The following TMEM177 variants were observed in gnomAD, a reference collection of about 807,000 sequenced individuals.
TMEM177 encodes transmembrane protein 177.
In TMEM177, 4 loss-of-function variants were observed where a neutral mutation model predicts 14.2. The observed-to-expected ratio is 0.28, with a 90% CI of 0.14 to 0.64. The LOEUF (loss-of-function observed/expected upper bound fraction) is 0.64. Among genes scored for constraint, TMEM177 ranks in the 30% least tolerant of loss-of-function variants. The pLI is 0.82. For synonymous variants in TMEM177, 179 were observed against 174.5 expected, an observed-to-expected ratio of 1.03 and a Z score of -0.20; for missense variants, 344 against 405.2, an observed-to-expected ratio of 0.85 and a Z score of 1.30.
the TMEM177 span, among the ~76,000 whole-genome samples, chr2:119,721,186 G>A: frequency 3.3e-5 from 5 of 152,200 alleles, no homozygotes; most frequent in Non-Finnish European, 7.3e-5. Flanking sequence ...AGAGGGTTGG[G>A]GTTTTGAACC....
At chr2:119,704,113 G>A in the TMEM177 span, among the ~76,000 whole-genome samples, 19 of 152,196 alleles carry the variant, frequency 1.2e-4, no homozygotes, top group Non-Finnish European at 2.6e-4. Context: ...GAATGCAGCC[G>A]AAAGGAGTGT....
the TMEM177 span, among the ~76,000 whole-genome samples, chr2:119,701,955 T>G: frequency 1.5e-4 from 23 of 152,354 alleles, no homozygotes; most frequent in Admixed American, 1.0e-3. Flanking sequence ...ATCCATCCAG[T>G]GCAGGGTCTG....
downstream of TMEM177, among the ~76,000 whole-genome samples, chr2:119,689,696 T>C (rs1264370100): frequency 6.6e-6 from 1 of 152,128 alleles, no homozygotes; most frequent in Non-Finnish European, 1.5e-5. Context: ...CCACTCCACC[T>C]TCACTTAGGC....
At chr2:119,721,260 G>C in the TMEM177 span, among the ~76,000 whole-genome samples, 1 of 152,218 alleles carries the variant, frequency 6.6e-6, no homozygotes, top group Admixed American at 6.5e-5. Context: ...CCAATGTTCA[G>C]TCATGCCAAT....
At chr2:119,718,804 G>C in the TMEM177 span, among the ~76,000 whole-genome samples, 1 of 152,180 alleles carries the variant, frequency 6.6e-6, no homozygotes, top group Non-Finnish European at 1.5e-5. Context: ...ACAGGCTTTC[G>C]AGTCAGCACT....
the TMEM177 span, among the ~76,000 whole-genome samples, chr2:119,720,112 A>C: frequency 1.1e-4 from 16 of 151,754 alleles, no homozygotes; most frequent in East Asian, 3.1e-3. Flanking sequence ...TAACAGTTTT[A>C]AAAATAAAAT....
the TMEM177 span, among the ~76,000 whole-genome samples, chr2:119,706,389 G>T: frequency 1.2e-3 from 185 of 152,242 alleles, no homozygotes; most frequent in African/African-American, 4.3e-3. Context: ...CTCACCACTA[G>T]GAGTCTTCAC....
At chr2:119,707,728 A>G in the TMEM177 span, among the ~76,000 whole-genome samples, 12 of 152,258 alleles carry the variant, frequency 7.9e-5, no homozygotes, top group African/African-American at 2.9e-4. Flanking sequence ...GCACAGAGAG[A>G]ACAGAGCTTA....
chr2:119,713,248 T>C, the TMEM177 span, among the ~76,000 whole-genome samples: 1 of 152,100 alleles, frequency 6.6e-6, no homozygotes, highest in South Asian at 2.1e-4. Flanking sequence ...TTTGTATTTT[T>C]AGTAGAGACA....
At position 119,681,341 on chromosome 2, in the gene TMEM177, G is replaced by C. The variant is rs748938876; in HGVS notation, c.488G>C (p.Ser163Thr). ...ALAREVVYLESSTTAVHALLA... is the reference protein window; with the variant it reads ...ALAREVVYLETSTTAVHALLA... Reference sequence around the variant, plus strand: ...GCCAGGGAAGTGGTGTACCTGGAAAGCAGTACCACTGCCGTGCACGCCCTG... The same window carrying C: ...GCCAGGGAAGTGGTGTACCTGGAAACCAGTACCACTGCCGTGCACGCCCTG... Residue 163 changes from serine to threonine, a missense_variant, in exon 2 of 2, where the codon AGC becomes ACC. Coordinates refer to ENST00000272521, the MANE Select transcript of TMEM177 (RefSeq NM_030577.3). 62 of 1,614,140 alleles carry C rather than the reference G, an allele frequency of 3.8e-5. No individual in the cohort carries two copies. The Middle Eastern group carries it at 8.2e-4, about 21-fold the overall frequency.
chr2:119,706,019 A>ATGTATTATATATTATATATT, the TMEM177 span, among the ~76,000 whole-genome samples: 1 of 136,236 alleles, frequency 7.3e-6, no homozygotes, highest in Admixed American at 7.7e-5. Context: ...TATTATATAT[A>ATGTATTATATATTATATATT]TTTATATATA....
chr2:119,685,511 T>A, downstream of TMEM177: 1 of 615,632 alleles, frequency 1.6e-6, no homozygotes, highest in Non-Finnish European at 2.9e-6. Flanking sequence ...CGAGGCCTCC[T>A]GCCTGTCTCC....
Position 119,681,397 on chromosome 2 carries a change from G to T in TMEM177, c.544G>T (p.Ala182Ser). ...CCCAGCTTGCCTGGCAGGGACCTGG[G>T]CACTGGGCGTGGGTGCCAAGTACAC... ...LAPACLAGTW[A>S]LGVGAKYTLG... is the part of the protein sequence containing the mutation. The change falls in exon 2 of 2, where the codon GCA becomes TCA. Residue 182 changes from alanine (A) to serine (S), a missense_variant. Coordinates refer to ENST00000272521, the MANE Select transcript of TMEM177 (RefSeq NM_030577.3). 1 of 1,613,766 alleles carries T rather than the reference G, an allele frequency of 6.2e-7. No homozygotes were observed. The highest frequency in any genetic ancestry group is 8.5e-7 in the Non-Finnish European group (1 of 1,179,744).
chr2:119,708,489 T>C, the TMEM177 span, among the ~76,000 whole-genome samples: 1 of 152,164 alleles, frequency 6.6e-6, no homozygotes, highest in Non-Finnish European at 1.5e-5. Flanking sequence ...ATGCAATCCA[T>C]ATTCAAATTC....
At chr2:119,710,097 A>C in the TMEM177 span, among the ~76,000 whole-genome samples, 171 of 152,290 alleles carry the variant, frequency 1.1e-3, no homozygotes, top group African/African-American at 4.0e-3. Context: ...TTGTGGAGAT[A>C]CTAAATGCCA....
rs1983406 is a variant in TMEM177 at position 119,681,654 on chromosome 2, C to G, written c.801C>G (p.Asp267Glu). Residue 267 changes from aspartate (D) to glutamate (E), a missense_variant, in exon 2 of 2, where the codon GAC becomes GAG. Asp to Glu is a conservative substitution (Grantham distance 45). Transcript: ENST00000272521. ...NLALRSLLGKDGEKLYTPSGN... is the reference protein window; with the variant it reads ...NLALRSLLGKEGEKLYTPSGN... Reference sequence around the variant, plus strand: ...CCCTGCGCAGTCTCTTGGGCAAAGACGGGGAGAAGCTGTATACACCCAGCG... The same window carrying G: ...CCCTGCGCAGTCTCTTGGGCAAAGAGGGGGAGAAGCTGTATACACCCAGCG... 1,343,768 of 1,614,074 alleles carry G rather than the reference C, an allele frequency of 0.83. 561,230 individuals carry two copies. The highest frequency in any genetic ancestry group is 0.86 in the South Asian group (78,120 of 91,082).
chr2:119,712,970 A>T, the TMEM177 span, among the ~76,000 whole-genome samples: 8 of 152,234 alleles, frequency 5.3e-5, no homozygotes, highest in African/African-American at 1.9e-4. Flanking sequence ...TACATAGTCT[A>T]AGAACACACA....
Position 119,681,328 on chromosome 2 carries a change from G to T in TMEM177, c.475G>T (p.Val159Leu). The T allele has an allele frequency of 6.2e-7, 1 of 1,614,246 alleles. No individual in the cohort carries two copies. The highest frequency in any genetic ancestry group is 8.5e-7 in the Non-Finnish European group (1 of 1,180,042). The change falls in exon 2 of 2, where the codon GTG (valine) becomes TTG (leucine). Residue 159 changes from valine to leucine, a missense_variant. Val to Leu is a conservative substitution (Grantham distance 32, BLOSUM62 1). Coordinates refer to ENST00000272521, the MANE Select transcript of TMEM177 (RefSeq NM_030577.3). ...AQKFALAREV[V>L]YLESSTTAVH... ...GAAGTTCGCCTTGGCCAGGGAAGTG[G>T]TGTACCTGGAAAGCAGTACCACTGC... is the stretch of plus-strand genomic sequence containing the variant.
the TMEM177 span, among the ~76,000 whole-genome samples, chr2:119,714,340 C>T: frequency 1.1e-4 from 16 of 152,138 alleles, no homozygotes; most frequent in African/African-American, 3.1e-4. Context: ...TGGAAGCAGC[C>T]GGCAATTGCT....
Sources: gnomAD v4.1 joint callset for allele counts (sites outside exome capture counted in the v4.1 genomes callset) on GRCh38, gnomAD v4.1.1 for gene constraint, MANE v1.5 for transcripts, NCBI Gene and HGNC (gene_info 2026-07-23, HGNC 2026-07-21) for gene names.